Variants in SSH2 observed in about 807,000 individuals in gnomAD.
SSH2 encodes the protein protein phosphatase Slingshot homolog 2.
In SSH2, 37 loss-of-function variants were observed where a neutral mutation model predicts 135.2. That is an observed-to-expected ratio of 0.27 (90% CI 0.21 to 0.36). The LOEUF (loss-of-function observed/expected upper bound fraction) is 0.36. Among genes scored for constraint, SSH2 ranks in the 10% least tolerant of loss-of-function variants. SSH2 has a pLI of 1.00. For synonymous variants in SSH2, 628 were observed against 646.2 expected (o/e 0.97, Z 0.43); for missense variants, 1,408 against 1,765.3 (o/e 0.80, Z 3.63).
chr17:29,841,211 C>T (rs1349453100), intron 2 of SSH2, among the ~76,000 whole-genome samples: 1 of 152,082 alleles, frequency 6.6e-6, no homozygotes, highest in East Asian at 1.9e-4. Flanking sequence ...TCATGATTGA[C>T]CTGTGTTTGT....
At chr17:29,695,000 T>C (rs2038667012) in intron 5 of SSH2, among the ~76,000 whole-genome samples, 1 of 152,186 alleles carries the variant, frequency 6.6e-6, no homozygotes, top group African/African-American at 2.4e-5. Context: ...AAGTAACTTG[T>C]CCAGTATCGT....
chr17:29,901,383 A>T (rs989849322), intron 1 of SSH2, among the ~76,000 whole-genome samples: 2 of 152,228 alleles, frequency 1.3e-5, no homozygotes. Flanking sequence ...TCCTGTTTCT[A>T]AACAAGTGAC....
intron 3 of SSH2, among the ~76,000 whole-genome samples, chr17:29,768,122 C>A (rs1421165906): frequency 6.6e-6 from 1 of 151,778 alleles, no homozygotes; most frequent in African/African-American, 2.4e-5. Context: ...CTCTTCTATA[C>A]CCTGTCTTTT....
chr17:29,741,109 G>A (rs1156773696), intron 3 of SSH2, among the ~76,000 whole-genome samples: 1 of 152,182 alleles, frequency 6.6e-6, no homozygotes, highest in African/African-American at 2.4e-5. Context: ...ATGAAACAGG[G>A]TCTTGATAAC....
rs866814548 is a variant in SSH2, at chr17:29,816,460, A to C, written c.145-22523T>G. 2.5e-4 allele frequency among the ~76,000 whole-genome samples: 38 copies of C among 152,174 alleles called. 1 individual carries two copies. Among genetic ancestry groups the C allele is most frequent in the African/African-American group, 8.9e-4 (37 of 41,438 alleles). On this transcript the variant is annotated intron_variant, in intron 2 of 15. Coordinates refer to ENST00000540801, the MANE Select transcript of SSH2 (RefSeq NM_001282129.2). Reference sequence around the variant, plus strand: ...GAAATTTCTTGTGGAAAGATTTGAGAAGCACTGCAGAGGATTGTTGTATGT... The same window carrying C: ...GAAATTTCTTGTGGAAAGATTTGAGCAGCACTGCAGAGGATTGTTGTATGT...
chr17:29,808,085 A>T (rs77672559), intron 2 of SSH2, among the ~76,000 whole-genome samples: 13,641 of 152,222 alleles, frequency 0.09, 764 homozygotes, highest in Middle Eastern at 0.14. Context: ...TAGCTAGCAG[A>T]TCAGTCTTTC....
At chr17:29,752,710 G>A (rs756304031) in intron 3 of SSH2, among the ~76,000 whole-genome samples, 19 of 151,922 alleles carry the variant, frequency 1.3e-4, no homozygotes, top group African/African-American at 2.7e-4. Flanking sequence ...TATATGGGAC[G>A]CAAAGTTAAA....
intron 15 of SSH2, among the ~76,000 whole-genome samples, chr17:29,635,199 G>C (rs1375535040): frequency 6.6e-6 from 1 of 152,030 alleles, no homozygotes; most frequent in Non-Finnish European, 1.5e-5. Context: ...ACCGCGCCCG[G>C]CCAGCACATT....
Position 29,631,026 on chromosome 17 carries a change from G to A in SSH2, c.4168C>T (p.Leu1390Phe), listed in dbSNP as rs755084811. The A allele has an allele frequency of 6.2e-7, 1 of 1,614,176 alleles. No homozygotes were observed. Among genetic ancestry groups the A allele is most frequent in the South Asian group, 1.1e-5 (1 of 91,084 alleles). ...SQQYLLPRAG[L>F]ELTSSEGGLP... ...CCTCCTTCAGAACTAGTCAATTCAA[G>A]TCCTGCCCTGGGGAGCAAATACTGC... The change falls in exon 16 of 16, where the codon CTT (leucine) becomes TTT (phenylalanine). Residue 1390 changes from leucine to phenylalanine, a missense_variant. Physicochemically the swap from Leu to Phe is conservative, Grantham distance 22. This residue lies in a region of SSH2 where 1,080 missense variants were observed against 1,144.5 expected (regional missense o/e 0.94). Coordinates refer to ENST00000540801, the MANE Select transcript of SSH2 (RefSeq NM_001282129.2).
At chr17:29,705,143 T>C (rs1487740171) in intron 3 of SSH2, among the ~76,000 whole-genome samples, 1 of 152,190 alleles carries the variant, frequency 6.6e-6, no homozygotes, top group East Asian at 1.9e-4. Context: ...TCCTATAATA[T>C]ATATCTAATC....
chr17:29,737,624 A>G (rs2040414993), intron 3 of SSH2, among the ~76,000 whole-genome samples: 2 of 152,354 alleles, frequency 1.3e-5, no homozygotes, highest in South Asian at 4.1e-4. Flanking sequence ...TCAACAAGTC[A>G]TTTAATCTCT....
chr17:29,741,243 T>C (rs951683914), intron 3 of SSH2, among the ~76,000 whole-genome samples: 16 of 152,228 alleles, frequency 1.1e-4, no homozygotes, highest in Non-Finnish European at 2.1e-4. Flanking sequence ...ACTACAACTG[T>C]TGATGGGAGT....
At chr17:29,752,252 T>C (rs868303384) in intron 3 of SSH2, among the ~76,000 whole-genome samples, 1 of 152,064 alleles carries the variant, frequency 6.6e-6, no homozygotes, top group Non-Finnish European at 1.5e-5. Flanking sequence ...CACTGAAAAA[T>C]ACCAACAAGG....
rs373035086 is a variant in SSH2 at position 29,652,151 on chromosome 17, A to G, written c.1080-1351T>C. ...GAGTGAAACTCAGTCTCAAAAACAAAAAAAAAGGTGCAATTGCTATGGAAA... is the reference window on the plus strand; with the variant it reads ...GAGTGAAACTCAGTCTCAAAAACAAGAAAAAAGGTGCAATTGCTATGGAAA... On this transcript the variant is annotated intron_variant, in intron 12 of 15. Coordinates refer to ENST00000540801, the MANE Select transcript of SSH2 (RefSeq NM_001282129.2). Among the ~76,000 whole-genome samples the G allele has an allele frequency of 5.9e-5, 9 of 152,294 alleles. No individual in the cohort carries two copies. In the East Asian group the frequency reaches 1.7e-3, roughly 29 times the overall value.
At chr17:29,902,145 C>T (rs902962403) in intron 1 of SSH2, among the ~76,000 whole-genome samples, 9 of 152,020 alleles carry the variant, frequency 5.9e-5, no homozygotes, top group African/African-American at 2.2e-4. Context: ...GCAGAAATGG[C>T]AATGAATGTA....
intron 14 of SSH2, among the ~76,000 whole-genome samples, chr17:29,642,425 CT>C (rs931600146): frequency 1.3e-5 from 2 of 152,104 alleles, no homozygotes; most frequent in Non-Finnish European, 1.5e-5. Flanking sequence ...CACGGTCCAA[CT>C]TGCAAATGGT....
At chr17:29,876,684 A>G (rs944771969) in intron 1 of SSH2, among the ~76,000 whole-genome samples, 15 of 152,182 alleles carry the variant, frequency 9.9e-5, no homozygotes, top group African/African-American at 3.6e-4. Flanking sequence ...GAATAAAACT[A>G]GACCTCTATC....
In SSH2 at chr17:29,886,238, G is replaced by A. The variant is rs1599142632; in HGVS notation, c.64-37309C>T. Among the ~76,000 whole-genome samples, 3 of 152,278 alleles carry A rather than the reference G, an allele frequency of 2.0e-5. No individual in the cohort carries two copies. The South Asian group carries it at 6.2e-4, about 32-fold the overall frequency. ...TGACCAAAATGCTCATAGCGATATG[G>A]ACAATAAGGTCCAGGCTGAGGTGGT... is the stretch of plus-strand genomic sequence containing the variant. On this transcript the variant is annotated intron_variant, in intron 1 of 15. Coordinates refer to ENST00000540801, the MANE Select transcript of SSH2 (RefSeq NM_001282129.2).
intron 1 of SSH2, among the ~76,000 whole-genome samples, chr17:29,878,075 A>T (rs2066068432): frequency 6.6e-6 from 1 of 152,080 alleles, no homozygotes; most frequent in South Asian, 2.1e-4. Flanking sequence ...ACACAGCAAG[A>T]CCCTGTCTCG....
Sources: gnomAD v4.1 joint callset for allele counts (sites outside exome capture counted in the v4.1 genomes callset) on GRCh38, gnomAD v4.1.1 for gene constraint, gnomAD v4.1.1 regional missense constraint, MANE v1.5 for transcripts, NCBI Gene and HGNC (gene_info 2026-07-23, HGNC 2026-07-21) for gene names.